The following MYH9 variants were observed in gnomAD, a reference collection of about 807,000 sequenced individuals.
MYH9 encodes myosin-9.
MYH9 carries 29 observed loss-of-function variants against 241.9 expected under a neutral mutation model. The ratio of observed to expected loss-of-function variants is 0.12; its 90% confidence interval spans 0.09 to 0.16. MYH9 has a LOEUF of 0.16. Among genes scored for constraint, MYH9 ranks in the 10% least tolerant of loss-of-function variants. The probability of loss-of-function intolerance (pLI) is 1.00; values close to 1 mark genes in which losing one functional copy is unlikely to be tolerated. For missense variants in MYH9, 1,803 were observed against 2,595.5 expected, an observed-to-expected ratio of 0.69 and a Z score of 6.63; for synonymous variants, 1,047 against 1,062.6, an observed-to-expected ratio of 0.99 and a Z score of 0.29.
intron 7 of MYH9, 40 bp downstream of exon 7, chr22:36,321,717 TC>T: frequency 6.3e-7 from 1 of 1,584,110 alleles, no homozygotes; most frequent in Non-Finnish European, 8.7e-7. Flanking sequence ...ATGCCTCCCC[TC>T]CGGATCCAGG....
At chr22:36,318,063 G>C in intron 11 of MYH9, 144 bp downstream of exon 11, 2 of 784,064 alleles carry the variant, frequency 2.6e-6, no homozygotes, top group South Asian at 2.7e-5. Context: ...ACCTCTCTCC[G>C]GGTTGCTGTG....
rs2016618503 is a variant in MYH9 at position 36,288,073 on chromosome 22, T to G, written c.4932+179A>C. On this transcript the variant is annotated intron_variant, in intron 34 of 40. Coordinates refer to ENST00000216181, the MANE Select transcript of MYH9 (RefSeq NM_002473.6). The surrounding 1 kb of genome is among the most constrained non-coding windows in gnomAD (Gnocchi z 4.8). ...CAAGTTTGCTGTTGGACTATCATGT[T>G]TCCACTCACCTCTGAGCCTCTGAGT... Among the ~76,000 whole-genome samples, 2 of 152,358 alleles carry G rather than the reference T, an allele frequency of 1.3e-5. No individual in the cohort carries two copies. The highest frequency in any genetic ancestry group is 3.4e-3 in the Middle Eastern group (1 of 294).
intron 1 of MYH9, among the ~76,000 whole-genome samples, chr22:36,371,993 T>C (rs1370274860): frequency 5.9e-5 from 9 of 152,038 alleles, no homozygotes. Context: ...ATCAATGATG[T>C]GTCCCCAGAA....
chr22:36,358,897 T>C (rs927617580), intron 1 of MYH9, among the ~76,000 whole-genome samples: 2 of 152,240 alleles, frequency 1.3e-5, no homozygotes, highest in Non-Finnish European at 2.9e-5. Flanking sequence ...AAAATCTGCA[T>C]GCTAAGCAAG....
intron 1 of MYH9, among the ~76,000 whole-genome samples, chr22:36,359,791 G>C (rs978092246): frequency 1.3e-5 from 2 of 152,152 alleles, no homozygotes; most frequent in African/African-American, 4.8e-5. Context: ...TATCAAGTAG[G>C]TGCTGGCAAC....
chr22:36,378,362 G>A (rs989078504), intron 1 of MYH9, among the ~76,000 whole-genome samples: 2 of 152,140 alleles, frequency 1.3e-5, no homozygotes, highest in African/African-American at 4.8e-5. Flanking sequence ...GCTTCTCCAC[G>A]GTGCAGATGG....
At position 36,341,504 on chromosome 22, in the gene MYH9, A is replaced by G. The variant is rs1250904991; in HGVS notation, c.356T>C (p.Val119Ala). 1 of 1,614,216 alleles carries G rather than the reference A, an allele frequency of 6.2e-7. No individual in the cohort carries two copies. Among genetic ancestry groups the G allele is most frequent in the Admixed American group, 1.7e-5 (1 of 60,026 alleles). The change falls in exon 3 of 41, where the codon GTG (valine) becomes GCG (alanine). Residue 119 changes from valine to alanine, a missense_variant. By Grantham distance (64) the Val-to-Ala change is moderately conservative. Transcript: ENST00000216181. ...LIYTYSGLFC[V>A]VINPYKNLPI... ...CAGGTTCTTGTAAGGATTGATGACCACACAGAACAGGCCTGAATAGGTCTA... is the reference window on the plus strand; with the variant it reads ...CAGGTTCTTGTAAGGATTGATGACCGCACAGAACAGGCCTGAATAGGTCTA...
intron 40 of MYH9, 30 bp downstream of exon 40, chr22:36,284,063 G>A: frequency 3.8e-6 from 4 of 1,054,848 alleles, no homozygotes; most frequent in Admixed American, 1.8e-5. Context: ...AAGTGCCGAG[G>A]CAAAGGGGCG....
At chr22:36,324,149 G>A (rs1411229546) in intron 5 of MYH9, among the ~76,000 whole-genome samples, 1 of 152,258 alleles carries the variant, frequency 6.6e-6, no homozygotes, top group African/African-American at 2.4e-5. Flanking sequence ...TGAGGCCTCT[G>A]TTTGGGACCA....
chr22:36,321,850 G>A (rs1419500829), intron 6 of MYH9, 29 bp from the exon 7 acceptor site: 2 of 1,601,790 alleles, frequency 1.2e-6, no homozygotes, highest in Admixed American at 3.3e-5. Context: ...CAAGAGATCA[G>A]AGGTGCCCCT....
chr22:36,370,859 G>A (rs1021649063), intron 1 of MYH9, among the ~76,000 whole-genome samples: 1 of 152,118 alleles, frequency 6.6e-6, no homozygotes, highest in African/African-American at 2.4e-5. Flanking sequence ...GTGGGCAGTG[G>A]GGGGTGGGAA....
At position 36,282,653 on chromosome 22, in the gene MYH9, T is replaced by G. The variant is rs1197411496; in HGVS notation, c.*15A>C. 8.7e-6 allele frequency: 14 copies of G among 1,611,290 alleles called. No individual in the cohort carries two copies. Among genetic ancestry groups the G allele is most frequent in the Non-Finnish European group, 1.2e-5 (14 of 1,177,820 alleles). ...GTCTGTCTGTCCATCCATCTCAGGC[T>G]GCAGGAGAAGAGGCTTATTCGGCAG... On this transcript the variant is annotated 3_prime_UTR_variant, in exon 41 of 41. Coordinates refer to ENST00000216181, the MANE Select transcript of MYH9 (RefSeq NM_002473.6).
intron 1 of MYH9, among the ~76,000 whole-genome samples, chr22:36,367,366 CCGA>C (rs1386410722): frequency 6.6e-6 from 1 of 152,164 alleles, no homozygotes; most frequent in Non-Finnish European, 1.5e-5. Context: ...GTCTCTCCTC[CCGA>C]CATTTCCATC....
chr22:36,305,964 G>A lies in MYH9; in HGVS notation c.2125C>T (p.Pro709Ser), dbSNP rs1310965766. 1 of 1,613,388 alleles carries A rather than the reference G, an allele frequency of 6.2e-7. No individual in the cohort carries two copies. Among genetic ancestry groups the A allele is most frequent in the African/African-American group, 1.3e-5 (1 of 74,948 alleles). ...AACTCCTGGAAGACCACCCTGTTGG[G>A]GAAGCCCTGGCGGCAGATACGGATG... ...EGIRICRQGF[P>S]NRVVFQEFRQ... Residue 709 changes from proline (P) to serine (S), a missense_variant, in exon 17 of 41, where the codon CCC (proline) becomes TCC (serine). Pro to Ser is a moderately conservative substitution (Grantham distance 74). Transcript: ENST00000216181. This position sits in a 1 kb window ranked among gnomAD's most constrained non-coding sequence, Gnocchi z 4.7.
Position 36,292,136 on chromosome 22 carries a change from G to T in MYH9, c.4194C>A (p.Ser1398Arg), listed in dbSNP as rs1371089733. ...CGGCCACCTTCTCCTCGTGCCGCTG[G>T]CTCAGGCCCTCCAGGTCCTTCTGGA... ...RKLQKDLEGL[S>R]QRHEEKVAAY... Residue 1398 changes from serine (S) to arginine (R), a missense_variant, in exon 31 of 41, where the codon AGC becomes AGA. Around this residue, in one of 11 missense-constraint regions of MYH9, gnomAD observed 876 missense variants for 1,077.8 expected, o/e 0.81. Coordinates refer to ENST00000216181, the MANE Select transcript of MYH9 (RefSeq NM_002473.6). 2 of 1,614,166 alleles carry T rather than the reference G, an allele frequency of 1.2e-6. No homozygotes were observed. Among genetic ancestry groups the T allele is most frequent in the Admixed American group, 3.3e-5 (2 of 60,030 alleles).
chr22:36,371,944 G>A (rs1037153081), intron 1 of MYH9, among the ~76,000 whole-genome samples: 3 of 151,816 alleles, frequency 2.0e-5, no homozygotes, highest in African/African-American at 4.8e-5. Context: ...GTTTGTTTCC[G>A]CCACTAGAGA....
intron 27 of MYH9, among the ~76,000 whole-genome samples, chr22:36,294,522 C>T (rs957663666): frequency 3.3e-5 from 5 of 152,240 alleles, no homozygotes; most frequent in Non-Finnish European, 7.3e-5. Context: ...GGACATCTCA[C>T]AGCTTCCCCA....
At chr22:36,344,434 T>C (rs2017642096) in intron 2 of MYH9, among the ~76,000 whole-genome samples, 1 of 152,130 alleles carries the variant, frequency 6.6e-6, no homozygotes, top group South Asian at 2.1e-4. Flanking sequence ...AGATAGACCA[T>C]GAATGAGGCA....
intron 3 of MYH9, among the ~76,000 whole-genome samples, chr22:36,335,718 C>T (rs950188895): frequency 1.3e-5 from 2 of 152,212 alleles, no homozygotes; most frequent in African/African-American, 4.8e-5. Flanking sequence ...AGAATTCCTT[C>T]AAGACCAGCC....
Sources: gnomAD v4.1 joint callset for allele counts (sites outside exome capture counted in the v4.1 genomes callset) on GRCh38, gnomAD v4.1.1 for gene constraint, gnomAD v4.1.1 regional missense constraint, Gnocchi (gnomAD v3.1) non-coding constraint, MANE v1.5 for transcripts, NCBI Gene and HGNC (gene_info 2026-07-23, HGNC 2026-07-21) for gene names.